The following PDE4B variants were observed in gnomAD, a reference collection of about 807,000 sequenced individuals.
The protein encoded by PDE4B is 3',5'-cyclic-AMP phosphodiesterase 4B.
A neutral mutation model predicts 82.2 loss-of-function variants in PDE4B; 20 were observed. The ratio of observed to expected loss-of-function variants is 0.24; its 90% CI spans 0.17 to 0.35. The LOEUF is 0.35. Among genes scored for constraint, PDE4B ranks in the 10% least tolerant of loss-of-function variants. The pLI is 1.00. For missense variants in PDE4B, 655 were observed against 907.2 expected (o/e 0.72, Z 3.57); for synonymous variants, 320 against 318.9 (o/e 1.00, Z -0.04).
chr1:65,963,582 T>C (rs762677957), intron 3 of PDE4B, among the ~76,000 whole-genome samples: 6 of 152,202 alleles, frequency 3.9e-5, no homozygotes, highest in South Asian at 2.1e-4. Context: ...TAGATGTGAT[T>C]GTTGTCAGCT....
chr1:66,367,170 AAT>A (rs1663313198), intron 13 of PDE4B, among the ~76,000 whole-genome samples: 1 of 152,220 alleles, frequency 6.6e-6, no homozygotes, highest in African/African-American at 2.4e-5. Flanking sequence ...GTATCATATT[AAT>A]AGAAAGCTCT....
Position 66,293,966 on chromosome 1 carries a change from G to T in PDE4B, c.634+27879G>T, listed in dbSNP as rs1015631695. Among the ~76,000 whole-genome samples the T allele has an allele frequency of 3.3e-5, 5 of 152,194 alleles. No individual in the cohort carries two copies. In the South Asian group the frequency reaches 1.0e-3, roughly 31 times the overall value. ...CATGCCTGTAATCCCAGCACTTTGG[G>T]AGGCCAAGCTGGGCAAGTCCCCTGA... On this transcript the variant is annotated intron_variant, in intron 7 of 16. Coordinates refer to ENST00000341517, the MANE Select transcript of PDE4B (RefSeq NM_002600.4).
intron 3 of PDE4B, among the ~76,000 whole-genome samples, chr1:66,196,431 T>C (rs1201750857): frequency 1.3e-5 from 2 of 152,218 alleles, no homozygotes; most frequent in African/African-American, 2.4e-5. Flanking sequence ...TCAGGCTCCA[T>C]CTTGTTTTGC....
Position 66,361,790 on chromosome 1 carries a change from C to T in PDE4B, c.1017C>T (p.Ala339=), listed in dbSNP as rs1188154707. ...ACACTGAAAATGAAGATCACCTGGC[C>T]AAGGTGTGTATAAGCTCAGGTTTTG... ...GVNTENEDHL[A]KELEDLNKWG... The change falls in exon 10 of 17, where the codon GCC becomes GCT. Residue 339 remains alanine (A), a synonymous_variant. Coordinates refer to ENST00000341517, the MANE Select transcript of PDE4B (RefSeq NM_002600.4). 1.9e-6 allele frequency: 3 copies of T among 1,610,516 alleles called. No individual in the cohort carries two copies. Among genetic ancestry groups the T allele is most frequent in the Non-Finnish European group, 2.5e-6 (3 of 1,177,870 alleles).
At chr1:66,060,290 GA>G (rs1655517312) in intron 3 of PDE4B, among the ~76,000 whole-genome samples, 2 of 152,140 alleles carry the variant, frequency 1.3e-5, no homozygotes, top group South Asian at 4.1e-4. Context: ...GCAAAAAGTA[GA>G]AAGAAAAATA....
At chr1:66,228,626 TAAAA>T (rs77946467) in intron 3 of PDE4B, among the ~76,000 whole-genome samples, 1 of 135,086 alleles carries the variant, frequency 7.4e-6, no homozygotes, top group African/African-American at 2.7e-5. Flanking sequence ...AAGACTCCGT[TAAAA>T]AAAAAAAAAA....
intron 3 of PDE4B, among the ~76,000 whole-genome samples, chr1:66,119,793 A>G (rs1242402255): frequency 1.3e-5 from 2 of 152,218 alleles, no homozygotes; most frequent in Non-Finnish European, 2.9e-5. Context: ...AGATGAAGTA[A>G]TTAGAGTGGG....
intron 3 of PDE4B, among the ~76,000 whole-genome samples, chr1:66,205,888 A>G (rs553088594): frequency 4.6e-5 from 7 of 152,254 alleles, no homozygotes; most frequent in African/African-American, 1.2e-4. Flanking sequence ...ATTCAGGTAG[A>G]CTGCTCAGCT....
At chr1:66,302,601 C>T (rs1047700813) in intron 7 of PDE4B, among the ~76,000 whole-genome samples, 2 of 152,116 alleles carry the variant, frequency 1.3e-5, no homozygotes, top group East Asian at 3.9e-4. Flanking sequence ...CAAAGTCCTG[C>T]AAGGGCTGGT....
intron 1 of PDE4B, among the ~76,000 whole-genome samples, chr1:65,896,269 T>C (rs1569596538): frequency 6.6e-6 from 1 of 152,148 alleles, no homozygotes; most frequent in African/African-American, 2.4e-5. Flanking sequence ...ATGTCTTACA[T>C]GGCAGCAGGC....
intron 3 of PDE4B, among the ~76,000 whole-genome samples, chr1:66,240,173 C>G (rs972209016): frequency 6.6e-6 from 1 of 152,196 alleles, no homozygotes; most frequent in Admixed American, 6.5e-5. Flanking sequence ...ACCGTATCAC[C>G]CACAGTCAGT....
chr1:65,895,935 T>TAATAAG (rs1372175203), intron 1 of PDE4B, among the ~76,000 whole-genome samples: 5 of 62,032 alleles, frequency 8.1e-5, no homozygotes, highest in Non-Finnish European at 2.5e-4. Flanking sequence ...AAAAAGAAAA[T>TAATAAG]AATAATAATA....
At chr1:65,989,275 C>A in intron 3 of PDE4B, among the ~76,000 whole-genome samples, 1 of 152,040 alleles carries the variant, frequency 6.6e-6, no homozygotes, top group Admixed American at 6.6e-5. Context: ...CTGAGGCAGG[C>A]AGATTACATG....
chr1:66,029,511 C>A (rs2100792989), intron 3 of PDE4B, among the ~76,000 whole-genome samples: 1 of 152,150 alleles, frequency 6.6e-6, no homozygotes, highest in Non-Finnish European at 1.5e-5. Flanking sequence ...TTACAGCAAA[C>A]TTTTTCAATT....
Position 65,880,830 on chromosome 1 carries a change from A to G in PDE4B, c.-70-32415A>G, listed in dbSNP as rs572668760. Among the ~76,000 whole-genome samples, 9 of 149,620 alleles carry G rather than the reference A, an allele frequency of 6.0e-5. 1 individual carries two copies. Among genetic ancestry groups the G allele is most frequent in the African/African-American group, 1.9e-4 (8 of 41,488 alleles). On this transcript the variant is annotated intron_variant, in intron 1 of 16. Transcript: ENST00000341517. The stretch of plus-strand genomic sequence containing the variant: ...TTTGGACTGCATTTGATTTTTGCCT[A>G]TGGGAAGCAGTAATAGAAGAAGCCA...
chr1:65,820,140 G>T (rs553436222), intron 1 of PDE4B, among the ~76,000 whole-genome samples: 2 of 152,190 alleles, frequency 1.3e-5, no homozygotes, highest in Non-Finnish European at 2.9e-5. Flanking sequence ...GACTGAAATT[G>T]GGAATGGAGG....
chr1:66,118,962 G>A (rs978662831), intron 3 of PDE4B, among the ~76,000 whole-genome samples: 2 of 151,870 alleles, frequency 1.3e-5, no homozygotes, highest in Non-Finnish European at 2.9e-5. Flanking sequence ...AACAGCTAAT[G>A]TCATCTCTTT....
At chr1:66,106,405 T>C (rs944994966) in intron 3 of PDE4B, among the ~76,000 whole-genome samples, 2 of 152,162 alleles carry the variant, frequency 1.3e-5, no homozygotes, top group African/African-American at 4.8e-5. Context: ...TTCTCTTTTT[T>C]AGTTGTGTCT....
At chr1:66,274,200 G>A (rs530337980) in intron 7 of PDE4B, among the ~76,000 whole-genome samples, 2 of 147,950 alleles carry the variant, frequency 1.4e-5, no homozygotes, top group Non-Finnish European at 3.0e-5. Context: ...CACTCTTGTT[G>A]CCCAGGCTAG....
Sources: allele counts gnomAD v4.1 joint callset (sites outside exome capture counted in the v4.1 genomes callset), GRCh38; gene constraint gnomAD v4.1.1; transcripts MANE v1.5; gene names NCBI Gene and HGNC (gene_info 2026-07-23, HGNC 2026-07-21).